MFSD8: variants seen among roughly 807,000 people sequenced by gnomAD.
MFSD8 encodes major facilitator superfamily domain-containing protein 8.
Under a neutral mutation model 66.4 loss-of-function variants are expected in MFSD8, and 55 were observed. The observed-to-expected ratio is 0.83, with a 90% CI of 0.67 to 1.04. The LOEUF is 1.04. Ranked by LOEUF, MFSD8 falls within the 50% of genes least tolerant of loss-of-function variation. The probability of loss-of-function intolerance (pLI) is 0.00; values close to 1 mark genes in which losing one functional copy is unlikely to be tolerated. For missense variants in MFSD8, 550 were observed against 627.6 expected (o/e 0.88, Z 1.32); for synonymous variants, 202 against 212.8 (o/e 0.95, Z 0.44).
rs543453360 is a variant in MFSD8, at chr4:127,929,322, CAAAAAAAAAAAAAAAA to C, written c.998+1345_998+1360del. On this transcript the variant is annotated intron_variant, in intron 9 of 11. Coordinates refer to ENST00000641686, the MANE Select transcript of MFSD8 (RefSeq NM_001371596.2). ...TGGGCAACAGAGCGAGACTCCGTCA[CAAAAAAAAAAAAAAAA>C]AAAAAAAAAAAGAATCTCATGAAGA... Among the ~76,000 whole-genome samples the C allele has an allele frequency of 1.0e-2, 303 of 30,376 alleles. 12 individuals are homozygous for C. Among genetic ancestry groups the C allele is most frequent in the African/African-American group, 0.054 (290 of 5,418 alleles). 19.9% of individuals were successfully genotyped at this position (30,376 alleles called of 152,430 possible).
At chr4:127,924,488 C>A (rs969281577) in intron 9 of MFSD8, among the ~76,000 whole-genome samples, 1 of 152,122 alleles carries the variant, frequency 6.6e-6, no homozygotes, top group East Asian at 1.9e-4. Context: ...CTGCCATTCA[C>A]AATTGCTGCA....
At position 127,917,822 on chromosome 4, in the gene MFSD8, C is replaced by T. The variant is rs1294341389; in HGVS notation, c.*2808G>A. 1.3e-5 allele frequency: 2 copies of T among 152,120 alleles called. No individual in the cohort carries two copies. The highest frequency in any genetic ancestry group is 6.6e-5 in the Admixed American group (1 of 15,266). 9.4% of individuals were successfully genotyped at this position (152,120 alleles called of 1,614,324 possible). On this transcript the variant is annotated 3_prime_UTR_variant, in exon 12 of 12. Coordinates refer to ENST00000641686, the MANE Select transcript of MFSD8 (RefSeq NM_001371596.2). ...GCTTAAGGTACATATGCAAAATAAT[C>T]TTGTTTATTAGAAAATGAACATTCA...
At chr4:127,961,701 A>G (rs1347214525) in intron 1 of MFSD8, among the ~76,000 whole-genome samples, 2 of 151,750 alleles carry the variant, frequency 1.3e-5, no homozygotes, top group Non-Finnish European at 2.9e-5. Context: ...CTGTAGTCCC[A>G]GCTACTCTAC....
At chr4:127,942,717 G>A (rs1205398487) in intron 4 of MFSD8, among the ~76,000 whole-genome samples, 1 of 150,398 alleles carries the variant, frequency 6.6e-6, no homozygotes, top group Non-Finnish European at 1.5e-5. Flanking sequence ...AAAGCACTGA[G>A]TGAATGGCAT....
intron 2 of MFSD8, among the ~76,000 whole-genome samples, chr4:127,951,369 A>G (rs1174820702): frequency 2.0e-5 from 3 of 152,134 alleles, no homozygotes; most frequent in Non-Finnish European, 4.4e-5. Flanking sequence ...AGCTGGGATT[A>G]CAGGCTCCTG....
At chr4:127,965,656 C>G (rs1745057251), upstream of MFSD8, 2 of 184,128 alleles carry the variant, frequency 1.1e-5, no homozygotes, top group Non-Finnish European at 2.3e-5. Flanking sequence ...GCTCCCCGCG[C>G]CTCTTAGCGC....
At chr4:127,938,590 A>AT (rs1560744537) in intron 7 of MFSD8, among the ~76,000 whole-genome samples, 193 bp downstream of exon 7, 3 of 138,610 alleles carry the variant, frequency 2.2e-5, no homozygotes, top group African/African-American at 6.1e-5. Flanking sequence ...CTCAAAAAAA[A>AT]AAAAATAAAT....
In MFSD8 at chr4:127,930,720, C is replaced by T. The variant is rs76506918; in HGVS notation, c.961G>A (p.Val321Ile). 43 of 1,613,492 alleles carry T rather than the reference C, an allele frequency of 2.7e-5. No individual in the cohort carries two copies. Among genetic ancestry groups the T allele is most frequent in the Middle Eastern group, 1.7e-4 (1 of 6,056 alleles). ...IILAALGVEAVVIFLGVKLLS... is the reference protein window; with the variant it reads ...IILAALGVEAIVIFLGVKLLS... Reference sequence around the variant, plus strand: ...AACTTAACTCCTAAGAAAATAACAACGGCTTCAACCCCAAGAGCAGCAAGT... The same window carrying T: ...AACTTAACTCCTAAGAAAATAACAATGGCTTCAACCCCAAGAGCAGCAAGT... Residue 321 changes from valine to isoleucine, a missense_variant, in exon 9 of 12, where the codon GTT becomes ATT. Physicochemically the swap from Val to Ile is conservative, Grantham distance 29 (BLOSUM62 3). Coordinates refer to ENST00000641686, the MANE Select transcript of MFSD8 (RefSeq NM_001371596.2).
chr4:127,956,494 C>T (rs949597825), intron 2 of MFSD8, among the ~76,000 whole-genome samples: 20 of 144,584 alleles, frequency 1.4e-4, no homozygotes, highest in Non-Finnish European at 3.0e-4. Context: ...TGCGAAACTC[C>T]GTCTTGAAAA....
intron 1 of MFSD8, among the ~76,000 whole-genome samples, chr4:127,964,332 G>A (rs887454163): frequency 2.0e-5 from 3 of 152,234 alleles, no homozygotes; most frequent in East Asian, 1.9e-4. Context: ...AGCCCACGGA[G>A]TGGGTGGGAG....
intron 4 of MFSD8, among the ~76,000 whole-genome samples, chr4:127,943,233 T>A (rs909538603): frequency 1.3e-5 from 2 of 150,696 alleles, no homozygotes; most frequent in Non-Finnish European, 3.0e-5. Flanking sequence ...AAAAAAAAAA[T>A]TATTATCTGG....
At chr4:127,940,577 G>T (rs1740017780) in intron 5 of MFSD8, among the ~76,000 whole-genome samples, 1 of 143,294 alleles carries the variant, frequency 7.0e-6, no homozygotes. Flanking sequence ...TTTGACCATA[G>T]TATTATATAC....
At chr4:127,934,648 C>A (rs1336109389) in intron 7 of MFSD8, 1 of 147,558 alleles carries the variant, frequency 6.8e-6, no homozygotes, top group Non-Finnish European at 1.5e-5. Context: ...GACCCGATCT[C>A]TGCTCAATGC....
At chr4:127,948,321 T>TTA (rs1166836757) in intron 3 of MFSD8, among the ~76,000 whole-genome samples, 1 of 152,106 alleles carries the variant, frequency 6.6e-6, no homozygotes, top group Non-Finnish European at 1.5e-5. Context: ...CACCTGGTAA[T>TTA]TAGCAGCTTC....
rs538497547 is a variant in MFSD8 at position 127,930,058 on chromosome 4, T to C, written c.998+625A>G. On this transcript the variant is annotated intron_variant, in intron 9 of 11. Transcript: ENST00000641686. ...AGGAATGAGACTAGCCTGGGCAACA[T>C]AGTGAGATAATATCTCTACAAAAAA... is the stretch of plus-strand genomic sequence containing the variant. 7.9e-5 allele frequency among the ~76,000 whole-genome samples: 12 copies of C among 152,204 alleles called. No individual in the cohort carries two copies. The East Asian group carries it at 1.5e-3, about 20-fold the overall frequency.
In MFSD8 at chr4:127,943,773, CACGAGCA is replaced by C. The variant is rs765061912; in HGVS notation, c.411_417del (p.Ala138AspfsTer10). On this transcript the variant is annotated frameshift_variant, in exon 4 of 12. Transcript: ENST00000641686. LOFTEE classifies it high-confidence loss of function. ...TTACCTGCTCCAATTCCCAACAATC[CACGAGCA>C]ACCAGCATGTAGTATTTATTATGAG... The C allele has an allele frequency of 1.9e-6, 3 of 1,614,048 alleles. No homozygotes were observed. The highest frequency in any genetic ancestry group is 1.7e-6 in the Non-Finnish European group (2 of 1,180,022).
At chr4:127,923,193 C>T (rs1332236775) in intron 9 of MFSD8, among the ~76,000 whole-genome samples, 1 of 152,142 alleles carries the variant, frequency 6.6e-6, no homozygotes, top group African/African-American at 2.4e-5. Flanking sequence ...AGAGGGTATC[C>T]TTGTCTTGTG....
chr4:127,924,353 G>A (rs1392054126), intron 9 of MFSD8, among the ~76,000 whole-genome samples: 21 of 152,046 alleles, frequency 1.4e-4, no homozygotes, highest in Admixed American at 1.3e-3. Flanking sequence ...GACCAGTGGT[G>A]CCCAAAATCT....
chr4:127,937,736 G>A (rs1024514090), intron 7 of MFSD8, among the ~76,000 whole-genome samples: 2 of 152,062 alleles, frequency 1.3e-5, no homozygotes, highest in Non-Finnish European at 2.9e-5. Flanking sequence ...CCTCTGCATG[G>A]AATCAATGTC....
Sources: gnomAD v4.1 joint callset for allele counts (sites outside exome capture counted in the v4.1 genomes callset) on GRCh38, gnomAD v4.1.1 for gene constraint, MANE v1.5 for transcripts, NCBI Gene and HGNC (gene_info 2026-07-23, HGNC 2026-07-21) for gene names.